Variants in MAN1A1 observed in about 807,000 individuals in gnomAD.
MAN1A1 encodes the protein mannosidase alpha class 1A member 1, also known as mannosyl-oligosaccharide 1,2-alpha-mannosidase IA.
In MAN1A1, 29 loss-of-function variants were observed where a neutral mutation model predicts 70.8. That is an observed-to-expected ratio of 0.41 (90% CI 0.31 to 0.56). The LOEUF (loss-of-function observed/expected upper bound fraction) is 0.56. Ranked by LOEUF, MAN1A1 falls within the 20% of genes least tolerant of loss-of-function variation. The pLI, the probability that MAN1A1 is intolerant of heterozygous loss-of-function variation, is 0.29. For synonymous variants in MAN1A1, 349 were observed against 330.1 expected (o/e 1.06, Z -0.62); for missense variants, 747 against 841.3 (o/e 0.89, Z 1.39).
chr6:119,299,477 T>C (rs1772323472), intron 4 of MAN1A1, among the ~76,000 whole-genome samples: 1 of 152,114 alleles, frequency 6.6e-6, no homozygotes, highest in Non-Finnish European at 1.5e-5. Context: ...ACATAACAGT[T>C]GTATATATTT....
At chr6:119,239,740 C>T (rs1457128193) in intron 6 of MAN1A1, among the ~76,000 whole-genome samples, 1 of 152,196 alleles carries the variant, frequency 6.6e-6, no homozygotes, top group Non-Finnish European at 1.5e-5. Flanking sequence ...AGATTAATCA[C>T]AGGAAAATTG....
chr6:119,226,118 T>G (rs974826899), intron 6 of MAN1A1, among the ~76,000 whole-genome samples: 1 of 152,210 alleles, frequency 6.6e-6, no homozygotes, highest in Non-Finnish European at 1.5e-5. Flanking sequence ...CTAAGTAAAT[T>G]GTAATCCCTA....
intron 5 of MAN1A1, among the ~76,000 whole-genome samples, chr6:119,274,547 T>A (rs1182821114): frequency 6.6e-6 from 1 of 152,238 alleles, no homozygotes; most frequent in Non-Finnish European, 1.5e-5. Context: ...TCAGATATGA[T>A]TTGAAAATTG....
chr6:119,269,656 G>A, intron 5 of MAN1A1: 1 of 156,376 alleles, frequency 6.4e-6, no homozygotes. Context: ...ATCCAGGACG[G>A]CTGTCAGGCA....
At chr6:119,318,891 T>C (rs1772925814) in intron 2 of MAN1A1, among the ~76,000 whole-genome samples, 1 of 152,190 alleles carries the variant, frequency 6.6e-6, no homozygotes, top group South Asian at 2.1e-4. Context: ...TTGTATTTCA[T>C]CACCAAAAGA....
chr6:119,243,945 C>T (rs1004338906), intron 6 of MAN1A1, among the ~76,000 whole-genome samples: 12 of 151,934 alleles, frequency 7.9e-5, no homozygotes, highest in Admixed American at 3.9e-4. Flanking sequence ...ACCAAGCAGG[C>T]GTCAGAAAAA....
chr6:119,278,034 A>G (rs1425251790), intron 5 of MAN1A1, among the ~76,000 whole-genome samples: 1 of 151,204 alleles, frequency 6.6e-6, no homozygotes, highest in African/African-American at 2.5e-5. Flanking sequence ...ATATAGTCCC[A>G]GCTATTCAGA....
At chr6:119,220,858 T>G (rs1036890102) in intron 6 of MAN1A1, among the ~76,000 whole-genome samples, 2 of 152,098 alleles carry the variant, frequency 1.3e-5, no homozygotes, top group African/African-American at 2.4e-5. Flanking sequence ...CACTGAAAAT[T>G]GAGATATCAC....
At chr6:119,218,384 A>G (rs900629228) in intron 6 of MAN1A1, among the ~76,000 whole-genome samples, 3 of 152,200 alleles carry the variant, frequency 2.0e-5, no homozygotes, top group Non-Finnish European at 4.4e-5. Context: ...ATAGTAGTAT[A>G]TACAGTATGT....
chr6:119,236,849 T>C (rs140134412), intron 6 of MAN1A1, among the ~76,000 whole-genome samples: 3 of 152,200 alleles, frequency 2.0e-5, no homozygotes, highest in East Asian at 1.9e-4. Context: ...TGGAAAAGAT[T>C]TGCCATTATA....
rs1276787464 is a variant in MAN1A1 at position 119,179,371 on chromosome 6, A to G, written c.*448T>C. ...TGGACAGACAAACCAGATTAACATG[A>G]AATTGTAAAGGAAAAAGCTTTTTTA... On this transcript the variant is annotated 3_prime_UTR_variant, in exon 13 of 13. Transcript: ENST00000368468. 1 of 153,368 alleles carries G rather than the reference A, an allele frequency of 6.5e-6. No homozygotes were observed. The highest frequency in any genetic ancestry group is 2.4e-5 in the African/African-American group (1 of 41,454). The allele number at this position is 153,368 out of a possible 1,614,324, so 9.5% of individuals were successfully genotyped here.
chr6:119,197,308 A>AG, intron 8 of MAN1A1, among the ~76,000 whole-genome samples: 1 of 150,986 alleles, frequency 6.6e-6, no homozygotes, highest in South Asian at 2.1e-4. Context: ...TCTCCAAAAA[A>AG]GAAAAAAAAA....
At chr6:119,208,681 T>C (rs1186676377) in intron 6 of MAN1A1, among the ~76,000 whole-genome samples, 1 of 152,218 alleles carries the variant, frequency 6.6e-6, no homozygotes, top group South Asian at 2.1e-4. Context: ...TCTATTCATA[T>C]CTGAATCCTA....
intron 2 of MAN1A1, among the ~76,000 whole-genome samples, chr6:119,337,887 A>G (rs1367273375): frequency 6.6e-6 from 1 of 152,196 alleles, no homozygotes; most frequent in Non-Finnish European, 1.5e-5. Context: ...ATATATGCCA[A>G]TTATAAAATA....
At chr6:119,305,230 A>G (rs1294512860) in intron 3 of MAN1A1, among the ~76,000 whole-genome samples, 2 of 152,200 alleles carry the variant, frequency 1.3e-5, no homozygotes, top group Admixed American at 1.3e-4. Context: ...TTAATGTTCA[A>G]TAACAAATTT....
At chr6:119,215,671 A>G (rs1774179662) in intron 6 of MAN1A1, among the ~76,000 whole-genome samples, 1 of 152,208 alleles carries the variant, frequency 6.6e-6, no homozygotes, top group Non-Finnish European at 1.5e-5. Context: ...TTTTTCCTTG[A>G]ATGTCAATTT....
At chr6:119,331,983 G>T in intron 2 of MAN1A1, 1 of 507,964 alleles carries the variant, frequency 2.0e-6, no homozygotes, top group East Asian at 5.5e-5. Flanking sequence ...CAATTTGCTT[G>T]CCCCTTCCTG....
intron 2 of MAN1A1, among the ~76,000 whole-genome samples, 161 bp downstream of exon 2, chr6:119,348,302 A>G (rs574682939): frequency 2.0e-5 from 3 of 152,372 alleles, no homozygotes; most frequent in Non-Finnish European, 4.4e-5. Flanking sequence ...CTATATTGGA[A>G]ACAGGAAAAG....
intron 5 of MAN1A1, among the ~76,000 whole-genome samples, chr6:119,271,423 T>C (rs1190936850): frequency 1.3e-5 from 2 of 152,136 alleles, no homozygotes; most frequent in Non-Finnish European, 2.9e-5. Context: ...AAAGGTAATG[T>C]TCTTTCCACC....
Sources: allele counts gnomAD v4.1 joint callset (sites outside exome capture counted in the v4.1 genomes callset), GRCh38; gene constraint gnomAD v4.1.1; transcripts MANE v1.5; gene names NCBI Gene and HGNC (gene_info 2026-07-23, HGNC 2026-07-21).